ZNF804B: variants seen among roughly 807,000 people sequenced by gnomAD.
The protein encoded by ZNF804B is zinc finger protein 804B.
In ZNF804B, 80 loss-of-function variants were observed where a neutral mutation model predicts 101.4. The observed-to-expected ratio is 0.79, with a 90% CI of 0.66 to 0.95. The LOEUF (loss-of-function observed/expected upper bound fraction) is 0.95, where lower values mean the gene tolerates loss of function less well. Among genes scored for constraint, ZNF804B ranks in the 40% least tolerant of loss-of-function variants. The pLI, the probability that ZNF804B is intolerant of heterozygous loss-of-function variation, is 0.00. For synonymous variants in ZNF804B, 622 were observed against 558.8 expected (o/e 1.11, Z -1.59); for missense variants, 1,673 against 1,561.9 (o/e 1.07, Z -1.20).
intron 1 of ZNF804B, among the ~76,000 whole-genome samples, chr7:89,134,769 T>C (rs1790604512): frequency 2.6e-5 from 4 of 152,088 alleles, no homozygotes. Flanking sequence ...TATTACCAGA[T>C]ATAATAACCC....
intron 1 of ZNF804B, chr7:88,794,187 A>T: frequency 6.2e-7 from 1 of 1,602,938 alleles, no homozygotes. Flanking sequence ...AATCCTAGAA[A>T]CGTGAAGGAG....
intron 2 of ZNF804B, among the ~76,000 whole-genome samples, chr7:89,264,626 T>A (rs1430263153): frequency 6.6e-6 from 1 of 152,212 alleles, no homozygotes; most frequent in Non-Finnish European, 1.5e-5. Flanking sequence ...CTGTTAAATA[T>A]CAGGAGTATA....
chr7:89,185,598 T>G (rs1788364567), intron 1 of ZNF804B, among the ~76,000 whole-genome samples: 1 of 152,166 alleles, frequency 6.6e-6, no homozygotes. Flanking sequence ...CGGTGGCTCA[T>G]GCTTGTAATC....
chr7:89,301,860 T>C (rs1379339206), intron 2 of ZNF804B, among the ~76,000 whole-genome samples: 3 of 151,924 alleles, frequency 2.0e-5, no homozygotes, highest in Non-Finnish European at 4.4e-5. Flanking sequence ...TACTTTATGA[T>C]GTTGCACTAA....
intron 2 of ZNF804B, among the ~76,000 whole-genome samples, chr7:89,276,626 T>C (rs977690962): frequency 1.3e-5 from 2 of 151,934 alleles, no homozygotes; most frequent in African/African-American, 4.9e-5. Context: ...TCTGTGACAA[T>C]CAAAATAAAA....
chr7:89,241,407 C>T (rs1404520099), intron 2 of ZNF804B, among the ~76,000 whole-genome samples: 1 of 152,004 alleles, frequency 6.6e-6, no homozygotes, highest in Non-Finnish European at 1.5e-5. Flanking sequence ...TTTCCTGGCC[C>T]CCTGAAATAC....
intron 1 of ZNF804B, among the ~76,000 whole-genome samples, chr7:89,038,952 A>G (rs1788970768): frequency 6.6e-6 from 1 of 152,028 alleles, no homozygotes. Flanking sequence ...ATTTTTACTG[A>G]TGAACAATTG....
chr7:89,050,740 A>G (rs1789189382), intron 1 of ZNF804B, among the ~76,000 whole-genome samples: 1 of 152,132 alleles, frequency 6.6e-6, no homozygotes, highest in Non-Finnish European at 1.5e-5. Flanking sequence ...GTTCATTTTC[A>G]TATATCAAAA....
chr7:89,195,223 G>A (rs2115628197), intron 1 of ZNF804B, among the ~76,000 whole-genome samples: 1 of 148,694 alleles, frequency 6.7e-6, no homozygotes, highest in South Asian at 2.2e-4. Context: ...CAAACCCACA[G>A]CCAATATCAT....
intron 1 of ZNF804B, among the ~76,000 whole-genome samples, chr7:88,963,023 A>G (rs768367144): frequency 6.6e-6 from 1 of 150,990 alleles, no homozygotes; most frequent in Non-Finnish European, 1.5e-5. Flanking sequence ...GACGGTCTCA[A>G]AAGCAAGGAG....
chr7:88,782,628 C>T (rs73705517), intron 1 of ZNF804B, among the ~76,000 whole-genome samples: 5,305 of 152,152 alleles, frequency 0.035, 298 homozygotes, highest in African/African-American at 0.11. Flanking sequence ...CTTGTAGAAA[C>T]ACACAGTGGG....
Position 89,327,165 on chromosome 7 carries a change from C to T in ZNF804B, c.250-179C>T, listed in dbSNP as rs550832142. 8.5e-5 allele frequency among the ~76,000 whole-genome samples: 13 copies of T among 152,100 alleles called. No homozygotes were observed. The South Asian group carries it at 2.7e-3, about 32-fold the overall frequency. Reference sequence around the variant, plus strand: ...TGGAAAAATAACCTGGTTGACAACACATTTATCTGCTAAATGTGTCTTGGA... The same window carrying T: ...TGGAAAAATAACCTGGTTGACAACATATTTATCTGCTAAATGTGTCTTGGA... On this transcript the variant is annotated intron_variant, in intron 2 of 3. Transcript: ENST00000333190.
At chr7:89,303,981 C>T (rs1790522137) in intron 2 of ZNF804B, among the ~76,000 whole-genome samples, 1 of 151,886 alleles carries the variant, frequency 6.6e-6, no homozygotes, top group African/African-American at 2.4e-5. Context: ...TTAATTTGCC[C>T]TCAGCTTAAG....
intron 1 of ZNF804B, among the ~76,000 whole-genome samples, chr7:89,195,893 A>G (rs1207983791): frequency 1.3e-5 from 2 of 151,584 alleles, no homozygotes; most frequent in South Asian, 2.1e-4. Context: ...CACTGCTCAA[A>G]AAATCAGAGA....
chr7:88,986,962 T>G (rs1237464822), intron 1 of ZNF804B, among the ~76,000 whole-genome samples: 1 of 152,130 alleles, frequency 6.6e-6, no homozygotes, highest in East Asian at 1.9e-4. Context: ...GAAGTAACAG[T>G]GATAATTTGA....
chr7:88,975,950 G>C (rs1793610064), intron 1 of ZNF804B, among the ~76,000 whole-genome samples: 1 of 151,550 alleles, frequency 6.6e-6, no homozygotes, highest in Non-Finnish European at 1.5e-5. Context: ...TTTGATTTTT[G>C]TATATGGTGA....
chr7:89,265,319 C>A (rs1265402773), intron 2 of ZNF804B, among the ~76,000 whole-genome samples: 1 of 151,434 alleles, frequency 6.6e-6, no homozygotes, highest in African/African-American at 2.4e-5. Flanking sequence ...CACACATGCA[C>A]GTGCACAGGC....
At chr7:89,133,973 C>T (rs544782438) in intron 1 of ZNF804B, among the ~76,000 whole-genome samples, 63 of 151,944 alleles carry the variant, frequency 4.1e-4, no homozygotes, top group Non-Finnish European at 4.0e-4. Flanking sequence ...ATCTAAGTCA[C>T]GGAATTTATG....
intron 1 of ZNF804B, among the ~76,000 whole-genome samples, chr7:88,904,324 T>C (rs1190464119): frequency 6.6e-6 from 1 of 152,204 alleles, no homozygotes; most frequent in African/African-American, 2.4e-5. Context: ...TTCATTTTTG[T>C]AACAGTGCCA....
Sources: gnomAD v4.1 joint callset for allele counts (sites outside exome capture counted in the v4.1 genomes callset) on GRCh38, gnomAD v4.1.1 for gene constraint, MANE v1.5 for transcripts, NCBI Gene and HGNC (gene_info 2026-07-23, HGNC 2026-07-21) for gene names.